CNTN1: variants seen among roughly 807,000 people sequenced by gnomAD.
CNTN1 encodes the protein contactin-1.
CNTN1 carries 38 observed loss-of-function variants against 126.4 expected under a neutral mutation model. The ratio of observed to expected loss-of-function variants is 0.30; its 90% CI spans 0.23 to 0.39. The LOEUF is 0.39. Among genes scored for constraint, CNTN1 ranks in the 10% least tolerant of loss-of-function variants. The probability of loss-of-function intolerance (pLI) is 1.00; values close to 1 mark genes in which losing one functional copy is unlikely to be tolerated. For missense variants in CNTN1, 1,009 were observed against 1,248.4 expected, an observed-to-expected ratio of 0.81 and a Z score of 2.89; for synonymous variants, 413 against 422.6, an observed-to-expected ratio of 0.98 and a Z score of 0.28.
At chr12:40,974,905 T>C (rs1947628860) in intron 15 of CNTN1, among the ~76,000 whole-genome samples, 1 of 152,066 alleles carries the variant, frequency 6.6e-6, no homozygotes, top group African/African-American at 2.4e-5. Context: ...TGACTAATAA[T>C]TTTATACCAT....
intron 1 of CNTN1, among the ~76,000 whole-genome samples, chr12:40,707,863 C>A (rs1372068215): frequency 6.6e-6 from 1 of 151,994 alleles, no homozygotes; most frequent in Admixed American, 6.6e-5. Flanking sequence ...TTTAGTCAAC[C>A]AAATTCTCAA....
chr12:41,055,161 GA>G (rs1360515282), intron 23 of CNTN1, among the ~76,000 whole-genome samples: 1 of 151,998 alleles, frequency 6.6e-6, no homozygotes, highest in African/African-American at 2.4e-5. Context: ...TATTATCTTG[GA>G]TTGGTCTATG....
intron 1 of CNTN1, among the ~76,000 whole-genome samples, chr12:40,750,921 A>C (rs1485078269): frequency 6.6e-6 from 1 of 152,108 alleles, no homozygotes; most frequent in African/African-American, 2.4e-5. Flanking sequence ...GGTGTAAAAT[A>C]TATGGCCAGG....
intron 1 of CNTN1, among the ~76,000 whole-genome samples, chr12:40,899,185 G>A (rs1944519282): frequency 6.6e-6 from 1 of 152,114 alleles, no homozygotes; most frequent in East Asian, 1.9e-4. Context: ...GCTGACATAG[G>A]ATTTTTTTCT....
intron 1 of CNTN1, among the ~76,000 whole-genome samples, chr12:40,896,612 G>A (rs1384424371): frequency 6.6e-6 from 1 of 152,144 alleles, no homozygotes; most frequent in Non-Finnish European, 1.5e-5. Flanking sequence ...TGTCCATTAA[G>A]ACATATCAGA....
chr12:40,723,753 A>G (rs1225469226), intron 1 of CNTN1, among the ~76,000 whole-genome samples: 1 of 152,172 alleles, frequency 6.6e-6, no homozygotes, highest in East Asian at 1.9e-4. Context: ...AAACTCCAAC[A>G]TATTTCTGCT....
At chr12:40,838,961 T>C (rs1942176911) in intron 1 of CNTN1, among the ~76,000 whole-genome samples, 1 of 152,036 alleles carries the variant, frequency 6.6e-6, no homozygotes, top group Admixed American at 6.6e-5. Flanking sequence ...GAATTCAAAA[T>C]ATTTATTTTT....
chr12:41,050,619 A>C (rs1949653866), intron 23 of CNTN1, among the ~76,000 whole-genome samples: 1 of 152,194 alleles, frequency 6.6e-6, no homozygotes, highest in African/African-American at 2.4e-5. Context: ...GGACACAGCC[A>C]AACCATTATC....
chr12:40,775,599 A>T (rs943934823), intron 1 of CNTN1, among the ~76,000 whole-genome samples: 2 of 151,548 alleles, frequency 1.3e-5, no homozygotes, highest in African/African-American at 4.8e-5. Context: ...CGTTTCTCCT[A>T]ATCACAAGTA....
At chr12:40,879,146 T>C (rs1432262081) in intron 1 of CNTN1, among the ~76,000 whole-genome samples, 2 of 152,158 alleles carry the variant, frequency 1.3e-5, no homozygotes, top group African/African-American at 4.8e-5. Context: ...TGGTTTTTCA[T>C]GTTGAAATTT....
chr12:40,938,147 A>G (rs1267499741), intron 11 of CNTN1, among the ~76,000 whole-genome samples: 3 of 152,178 alleles, frequency 2.0e-5, no homozygotes, highest in Non-Finnish European at 4.4e-5. Flanking sequence ...ATATGGATGA[A>G]ATCTGCTTGG....
chr12:40,822,025 C>T (rs1054574407), intron 1 of CNTN1, among the ~76,000 whole-genome samples: 1 of 151,772 alleles, frequency 6.6e-6, no homozygotes, highest in Non-Finnish European at 1.5e-5. Flanking sequence ...CAATTGAAAT[C>T]TTCTGTGAAT....
At chr12:41,038,706 C>A (rs448780) in intron 23 of CNTN1, among the ~76,000 whole-genome samples, 8,080 of 151,930 alleles carry the variant, frequency 0.053, 507 homozygotes, top group Admixed American at 0.15. Context: ...TTTCTCTAAG[C>A]AAACCTCATA....
At chr12:41,040,067 T>C (rs12809592) in intron 23 of CNTN1, among the ~76,000 whole-genome samples, 5,166 of 152,160 alleles carry the variant, frequency 0.034, 117 homozygotes, top group Middle Eastern at 0.11. Context: ...TGAAAGATTC[T>C]GCAGATGTGT....
intron 1 of CNTN1, among the ~76,000 whole-genome samples, chr12:40,709,231 T>C (rs1941847555): frequency 6.6e-6 from 1 of 152,206 alleles, no homozygotes; most frequent in Non-Finnish European, 1.5e-5. Context: ...CCAGTGCTCT[T>C]GGGTGACCAG....
intron 1 of CNTN1, among the ~76,000 whole-genome samples, chr12:40,819,198 C>G (rs952237789): frequency 3.3e-5 from 5 of 152,138 alleles, no homozygotes; most frequent in Admixed American, 1.3e-4. Context: ...TAAGGAAGCA[C>G]TTTATCCCTT....
chr12:40,719,150 A>C (rs1308692363), intron 1 of CNTN1, among the ~76,000 whole-genome samples: 1 of 152,234 alleles, frequency 6.6e-6, no homozygotes, highest in Admixed American at 6.5e-5. Flanking sequence ...TCAGTTAGAA[A>C]TAATGTGCTC....
chr12:40,705,531 C>A (rs1236145107), intron 1 of CNTN1, among the ~76,000 whole-genome samples: 1 of 151,212 alleles, frequency 6.6e-6, no homozygotes, highest in Non-Finnish European at 1.5e-5. Context: ...AAAGTAACAT[C>A]TCTTTTTTTT....
intron 15 of CNTN1, chr12:40,978,855 C>T (rs1947750235): frequency 6.6e-6 from 1 of 152,092 alleles, no homozygotes; most frequent in Admixed American, 6.5e-5. Context: ...TTTCTGAATG[C>T]CATACCCCTA....
Sources: allele counts gnomAD v4.1 joint callset (sites outside exome capture counted in the v4.1 genomes callset), GRCh38; gene constraint gnomAD v4.1.1; transcripts MANE v1.5; gene names NCBI Gene and HGNC (gene_info 2026-07-23, HGNC 2026-07-21).